MRE11: variants seen among roughly 807,000 people sequenced by gnomAD.
MRE11 encodes double-strand break repair protein MRE11.
A neutral mutation model predicts 91.7 loss-of-function variants in MRE11; 62 were observed. That is an observed-to-expected ratio of 0.68 (90% CI 0.55 to 0.84). The LOEUF is 0.84. Among genes scored for constraint, MRE11 ranks in the 40% least tolerant of loss-of-function variants. The pLI, the probability that MRE11 is intolerant of heterozygous loss-of-function variation, is 0.00. For synonymous variants in MRE11, 273 were observed against 271.4 expected, an observed-to-expected ratio of 1.01 and a Z score of -0.06; for missense variants, 796 against 852.9, an observed-to-expected ratio of 0.93 and a Z score of 0.83.
chr11:94,466,731 T>C (rs564240981), intron 10 of MRE11, among the ~76,000 whole-genome samples: 151 of 152,298 alleles, frequency 9.9e-4, no homozygotes, highest in African/African-American at 3.4e-3. Context: ...CATATACATT[T>C]CTTGGAGATT....
chr11:94,469,890 G>A (rs1946662277), intron 9 of MRE11, among the ~76,000 whole-genome samples: 1 of 152,152 alleles, frequency 6.6e-6, no homozygotes, highest in Non-Finnish European at 1.5e-5. Flanking sequence ...TAATTAAGCT[G>A]TCAAACCACA....
chr11:94,456,680 G>A (rs1384069743), intron 13 of MRE11, among the ~76,000 whole-genome samples: 1 of 152,112 alleles, frequency 6.6e-6, no homozygotes, highest in Non-Finnish European at 1.5e-5. Context: ...CCTTGACAAG[G>A]CTTGAAATAT....
intron 14 of MRE11, among the ~76,000 whole-genome samples, chr11:94,454,231 GC>G (rs1385325322): frequency 6.6e-6 from 1 of 151,828 alleles, no homozygotes. Context: ...GAGCTACCAT[GC>G]CTGGCTAATT....
chr11:94,465,168 A>T (rs538442330), intron 10 of MRE11, among the ~76,000 whole-genome samples: 1 of 152,318 alleles, frequency 6.6e-6, no homozygotes, highest in African/African-American at 2.4e-5. Context: ...AGTACAATGT[A>T]GTTTTGTAAT....
At chr11:94,445,221 A>G (rs1945891528) in intron 16 of MRE11, among the ~76,000 whole-genome samples, 1 of 152,260 alleles carries the variant, frequency 6.6e-6, no homozygotes, top group Admixed American at 6.5e-5. Context: ...ATAGTGACCA[A>G]CTACTTCACT....
upstream of MRE11, chr11:94,498,794 G>A (rs567234354): frequency 5.2e-5 from 22 of 420,776 alleles, no homozygotes; most frequent in Non-Finnish European, 8.9e-5. Flanking sequence ...AACTTGACAC[G>A]GGTTGTACAG....
At chr11:94,472,411 C>G (rs542233626) in intron 7 of MRE11, among the ~76,000 whole-genome samples, 2 of 152,030 alleles carry the variant, frequency 1.3e-5, no homozygotes, top group African/African-American at 4.8e-5. Context: ...CATAGTTTAA[C>G]CAAGCATTCA....
At position 94,421,617 on chromosome 11, in the gene MRE11, T is replaced by C. The variant is rs13447731; in HGVS notation, c.2071-1436A>G. Among the ~76,000 whole-genome samples the C allele has an allele frequency of 5.6e-3, 849 of 152,298 alleles. 14 individuals are homozygous for C. The highest frequency in any genetic ancestry group is 0.019 in the African/African-American group (799 of 41,552). ...AAGCAACATGTTAGTATTTAATAGG[T>C]AGAATGAGCTCTTGCTGCCATTTTT... On this transcript the variant is annotated intron_variant, in intron 19 of 19. Transcript: ENST00000323929.
rs765054397 is a variant in MRE11 at position 94,485,975 on chromosome 11, G to A, written c.263C>T (p.Pro88Leu). The change falls in exon 4 of 20, where the codon CCT becomes CTT. Residue 88 changes from proline to leucine, a missense_variant. Physicochemically the swap from Pro to Leu is moderately conservative, Grantham distance 98. Coordinates refer to ENST00000323929, the MANE Select transcript of MRE11 (RefSeq NM_005591.4). The part of the protein sequence containing the change: ...LLRKYCMGDR[P>L]VQFEILSDQS... The stretch of plus-strand genomic sequence containing the variant: ...ATCACTGAGAATTTCAAACTGGACA[G>A]GCCGATCACCCATACAATATTTTCT... 2.5e-6 allele frequency: 4 copies of A among 1,613,644 alleles called. No individual in the cohort carries two copies. The highest frequency in any genetic ancestry group is 1.7e-5 in the Admixed American group (1 of 59,998).
At chr11:94,482,762 C>T (rs1234296793) in intron 4 of MRE11, among the ~76,000 whole-genome samples, 1 of 152,040 alleles carries the variant, frequency 6.6e-6, no homozygotes, top group Non-Finnish European at 1.5e-5. Flanking sequence ...GGTGAAACCC[C>T]GTCTCTACTA....
At chr11:94,485,526 T>C (rs116623488) in intron 4 of MRE11, among the ~76,000 whole-genome samples, 223 of 116,452 alleles carry the variant, frequency 1.9e-3, no homozygotes, top group African/African-American at 5.8e-3. Flanking sequence ...ATCTCAATTT[T>C]TAAAATAGGC....
intron 16 of MRE11, among the ~76,000 whole-genome samples, chr11:94,443,110 T>C (rs1945830656): frequency 1.3e-5 from 2 of 152,244 alleles, no homozygotes; most frequent in South Asian, 4.1e-4. Flanking sequence ...CAGCTGTCAT[T>C]TGATAAATGT....
chr11:94,484,074 A>G lies in MRE11; in HGVS notation c.314+1850T>C, dbSNP rs1466850000. 2.0e-5 allele frequency among the ~76,000 whole-genome samples: 3 copies of G among 152,302 alleles called. No individual in the cohort carries two copies. In the East Asian group the frequency reaches 5.8e-4, roughly 29 times the overall value. On this transcript the variant is annotated intron_variant, in intron 4 of 19. Coordinates refer to ENST00000323929, the MANE Select transcript of MRE11 (RefSeq NM_005591.4). ...GCTGAGTCTGAAGACAAGAAAGACA[A>G]AGTAAAAAATCAGAAGAAAAGGTGG...
At chr11:94,496,635 T>C (rs1351502288), upstream of MRE11, 47 of 1,423,978 alleles carry the variant, frequency 3.3e-5, no homozygotes, top group Non-Finnish European at 4.4e-5. Flanking sequence ...ATAATTCATC[T>C]CTAGAAAGAT....
At chr11:94,475,034 A>G (rs1252172115) in intron 7 of MRE11, among the ~76,000 whole-genome samples, 1 of 152,136 alleles carries the variant, frequency 6.6e-6, no homozygotes, top group Non-Finnish European at 1.5e-5. Flanking sequence ...AAGGTAACAC[A>G]AGTCAGCCTC....
chr11:94,489,722 C>A (rs937145784), intron 3 of MRE11, among the ~76,000 whole-genome samples: 12 of 152,122 alleles, frequency 7.9e-5, no homozygotes, highest in African/African-American at 2.9e-4. Context: ...ATTTGCAAGT[C>A]AATTTTTACA....
chr11:94,484,640 A>G (rs927615417), intron 4 of MRE11, among the ~76,000 whole-genome samples: 1 of 152,190 alleles, frequency 6.6e-6, no homozygotes, highest in African/African-American at 2.4e-5. Context: ...CAAGGTTAAA[A>G]TCACCAGTGA....
At chr11:94,472,008 A>T (rs1224063433) in intron 7 of MRE11, among the ~76,000 whole-genome samples, 2 of 152,036 alleles carry the variant, frequency 1.3e-5, no homozygotes, top group Non-Finnish European at 1.5e-5. Flanking sequence ...CTATATTTGG[A>T]GGAAGATCAT....
At chr11:94,431,176 C>T (rs1368733333) in intron 18 of MRE11, among the ~76,000 whole-genome samples, 3 of 152,022 alleles carry the variant, frequency 2.0e-5, no homozygotes, top group African/African-American at 2.4e-5. Context: ...ATGAGAATCA[C>T]GAGATCTTAT....
Sources: gnomAD v4.1 joint callset for allele counts (sites outside exome capture counted in the v4.1 genomes callset) on GRCh38, gnomAD v4.1.1 for gene constraint, MANE v1.5 for transcripts, NCBI Gene and HGNC (gene_info 2026-07-23, HGNC 2026-07-21) for gene names.